TCF4: variants seen among roughly 807,000 people sequenced by gnomAD.
TCF4 encodes the protein SL3-3 enhancer factor 2.
Under a neutral mutation model 82.1 loss-of-function variants are expected in TCF4, and 3 were observed. The observed-to-expected ratio is 0.04, with a 90% CI of 0.02 to 0.09. The LOEUF (loss-of-function observed/expected upper bound fraction) is 0.09. Ranked by LOEUF, TCF4 falls within the 10% of genes least tolerant of loss-of-function variation. The probability of loss-of-function intolerance (pLI) is 1.00; values close to 1 mark genes in which losing one functional copy is unlikely to be tolerated. For missense variants in TCF4, 518 were observed against 852.7 expected (o/e 0.61, Z 4.89); for synonymous variants, 276 against 309.6 (o/e 0.89, Z 1.14).
At chr18:55,527,750 G>T (rs936698767) in intron 3 of TCF4, among the ~76,000 whole-genome samples, 10 of 152,170 alleles carry the variant, frequency 6.6e-5, no homozygotes, top group African/African-American at 2.4e-4. Context: ...GAAAATCCAA[G>T]AATTTTTTTT....
intron 3 of TCF4, among the ~76,000 whole-genome samples, chr18:55,514,416 C>T (rs941493284): frequency 1.3e-5 from 2 of 151,262 alleles, no homozygotes; most frequent in Non-Finnish European, 3.0e-5. Context: ...CACACACACA[C>T]ACACACACAC....
At chr18:55,631,499 A>G (rs2097731589) in intron 1 of TCF4, 3 of 1,150,416 alleles carry the variant, frequency 2.6e-6, no homozygotes, top group Non-Finnish European at 2.4e-6. Flanking sequence ...GGTTAGGGTA[A>G]TGCCCTACAG....
chr18:55,456,809 T>A (rs1374511532), intron 5 of TCF4, among the ~76,000 whole-genome samples: 3 of 152,174 alleles, frequency 2.0e-5, no homozygotes, highest in African/African-American at 7.2e-5. Flanking sequence ...ATTAGACTCA[T>A]CGACCCTTTC....
intron 8 of TCF4, among the ~76,000 whole-genome samples, chr18:55,303,086 G>T (rs546566352): frequency 1.3e-5 from 2 of 152,270 alleles, no homozygotes. Flanking sequence ...AGACAAAAAG[G>T]TTGAAGGTGT....
At chr18:55,586,859 G>T in intron 2 of TCF4, 186 bp downstream of exon 2, 19 of 504,062 alleles carry the variant, frequency 3.8e-5, no homozygotes, top group East Asian at 1.1e-4. Context: ...AAAAAAGCCT[G>T]AATCTTCCAT....
intron 15 of TCF4, among the ~76,000 whole-genome samples, chr18:55,250,824 A>G (rs1423178132): frequency 6.6e-6 from 1 of 152,256 alleles, no homozygotes; most frequent in Non-Finnish European, 1.5e-5. Flanking sequence ...GCAGAGTCAT[A>G]TCTATAAAAG....
intron 8 of TCF4, among the ~76,000 whole-genome samples, chr18:55,322,571 C>A (rs1264918971): frequency 2.0e-5 from 3 of 152,148 alleles, no homozygotes; most frequent in Non-Finnish European, 4.4e-5. Context: ...CCGCCCCGGG[C>A]TCCGCGGGCC....
intron 8 of TCF4, chr18:55,322,368 T>A: frequency 9.9e-7 from 1 of 1,009,712 alleles, no homozygotes; most frequent in Non-Finnish European, 1.2e-6. Context: ...GCTCCCAGCA[T>A]TGTACGCAGC....
chr18:55,620,082 C>G (rs1283419108), intron 2 of TCF4, among the ~76,000 whole-genome samples: 1 of 152,094 alleles, frequency 6.6e-6, no homozygotes, highest in Non-Finnish European at 1.5e-5. Flanking sequence ...TTTGGTAGTT[C>G]TTCCTGCATT....
At chr18:55,555,396 T>G (rs1417285785) in intron 3 of TCF4, among the ~76,000 whole-genome samples, 2 of 152,194 alleles carry the variant, frequency 1.3e-5, no homozygotes, top group Non-Finnish European at 2.9e-5. Context: ...ACTGTAACCA[T>G]ATATCCAGGG....
Position 55,586,164 on chromosome 18 carries a change from GCAGCAGCAGCAGCAGCAGC to G in TCF4, c.73-831_73-813del, listed in dbSNP as rs2097647383. On this transcript the variant is annotated intron_variant, in intron 2 of 19. Coordinates refer to ENST00000354452, the MANE Select transcript of TCF4 (RefSeq NM_001083962.2). ...AGGAGGAGGAGGAGGAGCAGCAGCA[GCAGCAGCAGCAGCAGCAGC>G]AGCAGCAGCAGCAGCAGCAGCAGCA... The G allele has an allele frequency of 3.9e-5, 13 of 331,340 alleles. 1 individual carries two copies. The highest frequency in any genetic ancestry group is 4.2e-5 in the Non-Finnish European group (10 of 238,458). 20.5% of individuals were successfully genotyped at this position (331,340 alleles called of 1,614,324 possible).
chr18:55,304,292 A>G (rs1472792875), intron 8 of TCF4, among the ~76,000 whole-genome samples: 2 of 152,218 alleles, frequency 1.3e-5, no homozygotes, highest in Non-Finnish European at 2.9e-5. Flanking sequence ...ACCAGAAAAC[A>G]TAAACAAAAA....
chr18:55,630,488 G>A (rs1338253499), intron 2 of TCF4, among the ~76,000 whole-genome samples: 2 of 152,196 alleles, frequency 1.3e-5, no homozygotes, highest in African/African-American at 2.4e-5. Context: ...AAGGAAATAT[G>A]TCAGATGAAT....
chr18:55,297,107 T>C (rs2066704243), intron 8 of TCF4, among the ~76,000 whole-genome samples: 1 of 149,728 alleles, frequency 6.7e-6, no homozygotes, highest in South Asian at 2.1e-4. Flanking sequence ...TTGTAGGAAC[T>C]ATTTGATGTC....
intron 8 of TCF4, among the ~76,000 whole-genome samples, chr18:55,290,353 T>G (rs1033992738): frequency 1.3e-5 from 2 of 152,156 alleles, no homozygotes; most frequent in Non-Finnish European, 2.9e-5. Flanking sequence ...AAAGCCTACA[T>G]CCCTGAAAGA....
chr18:55,424,447 C>T (rs945277990), intron 5 of TCF4, among the ~76,000 whole-genome samples: 5 of 152,216 alleles, frequency 3.3e-5, no homozygotes, highest in Non-Finnish European at 2.9e-5. Flanking sequence ...AACTTAAACA[C>T]AAAGTTAGGG....
intron 2 of TCF4, among the ~76,000 whole-genome samples, chr18:55,605,402 A>C (rs2097701312): frequency 6.6e-6 from 1 of 152,204 alleles, no homozygotes; most frequent in Admixed American, 6.5e-5. Context: ...GCTGAGTTTC[A>C]AATGGTGACA....
intron 6 of TCF4, among the ~76,000 whole-genome samples, chr18:55,371,717 G>A (rs140725056): frequency 1.7e-4 from 26 of 152,174 alleles, no homozygotes; most frequent in African/African-American, 5.1e-4. Flanking sequence ...ACATAGAGAC[G>A]CCTCTCCCCA....
At chr18:55,274,930 ATGT>A (rs2061158692) in intron 10 of TCF4, among the ~76,000 whole-genome samples, 1 of 152,174 alleles carries the variant, frequency 6.6e-6, no homozygotes, top group Non-Finnish European at 1.5e-5. Context: ...TGATAGATGA[ATGT>A]AGGTGATGGA....
Sources: allele counts gnomAD v4.1 joint callset (sites outside exome capture counted in the v4.1 genomes callset), GRCh38; gene constraint gnomAD v4.1.1; transcripts MANE v1.5; gene names NCBI Gene and HGNC (gene_info 2026-07-23, HGNC 2026-07-21).